The following AZIN2 variants were observed in gnomAD, a reference collection of about 807,000 sequenced individuals.
AZIN2 encodes the protein ODC antizyme inhibitor-2.
Under a neutral mutation model 47.8 loss-of-function variants are expected in AZIN2, and 28 were observed. The observed-to-expected ratio is 0.59, with a 90% CI of 0.43 to 0.80. The LOEUF is 0.80. Among genes scored for constraint, AZIN2 ranks in the 30% least tolerant of loss-of-function variants. The probability of loss-of-function intolerance (pLI) is 0.00; values close to 1 mark genes in which losing one functional copy is unlikely to be tolerated. For missense variants in AZIN2, 535 were observed against 582.5 expected (o/e 0.92, Z 0.84); for synonymous variants, 221 against 239.4 (o/e 0.92, Z 0.71).
intron 11 of AZIN2, chr1:33,118,318 G>C: frequency 3.8e-6 from 2 of 519,894 alleles, no homozygotes; most frequent in Non-Finnish European, 6.5e-6. Context: ...ACAGCCCTGA[G>C]GGAGGCACAG....
At chr1:33,150,087 G>A in the AZIN2 span, among the ~76,000 whole-genome samples, 10 of 152,232 alleles carry the variant, frequency 6.6e-5, no homozygotes, top group Non-Finnish European at 1.3e-4. Flanking sequence ...CTCCCTGAGG[G>A]AGCTGATAAC....
the AZIN2 span, among the ~76,000 whole-genome samples, chr1:33,134,434 C>G: frequency 6.6e-6 from 1 of 152,140 alleles, no homozygotes; most frequent in African/African-American, 2.4e-5. Context: ...TCCAATAATA[C>G]TGCCTCTGTT....
At chr1:33,106,696 G>T (rs1644020789) in intron 10 of AZIN2, among the ~76,000 whole-genome samples, 1 of 152,136 alleles carries the variant, frequency 6.6e-6, no homozygotes, top group Non-Finnish European at 1.5e-5. Context: ...TGGAGAACAA[G>T]CATTTGACAA....
At chr1:33,119,808 G>A in intron 11 of AZIN2, 8 of 583,782 alleles carry the variant, frequency 1.4e-5, no homozygotes, top group Middle Eastern at 4.6e-4. Context: ...TGCCTGGCAT[G>A]ATGTCTGGCA....
At chr1:33,096,949 G>C (rs1311520639) in intron 9 of AZIN2, 80 bp downstream of exon 9, 7 of 1,567,392 alleles carry the variant, frequency 4.5e-6, no homozygotes, top group Non-Finnish European at 6.1e-6. Context: ...TCTGGTTTTA[G>C]ACCCAGTGGC....
At chr1:33,101,709 G>C in intron 10 of AZIN2, 1 of 599,882 alleles carries the variant, frequency 1.7e-6, no homozygotes, top group Non-Finnish European at 3.0e-6. Context: ...TTTCAGTATA[G>C]GTTTATCACA....
chr1:33,147,846 T>A, the AZIN2 span: 11 of 1,123,534 alleles, frequency 9.8e-6, no homozygotes, highest in Non-Finnish European at 1.4e-5. This position sits in a 1 kb window ranked among gnomAD's most constrained non-coding sequence, Gnocchi z 8.1. Flanking sequence ...ACCTGCTGTG[T>A]GACCTTGAAT....
chr1:33,088,141 C>T (rs1418646298), intron 5 of AZIN2, among the ~76,000 whole-genome samples: 4 of 152,194 alleles, frequency 2.6e-5, no homozygotes, highest in Admixed American at 2.6e-4. Context: ...CAATATGCCA[C>T]TGCTTCCCAC....
At chr1:33,098,745 A>G (rs1643409491) in intron 10 of AZIN2, among the ~76,000 whole-genome samples, 1 of 151,890 alleles carries the variant, frequency 6.6e-6, no homozygotes, top group Non-Finnish European at 1.5e-5. Context: ...TCCCCTCTCC[A>G]TTGTGTCTTC....
the AZIN2 span, chr1:33,147,868 C>T: frequency 2.2e-6 from 2 of 889,334 alleles, no homozygotes; most frequent in East Asian, 2.6e-5. This position sits in a 1 kb window ranked among gnomAD's most constrained non-coding sequence, Gnocchi z 8.1. Flanking sequence ...CAAGTCTGCC[C>T]TCTCTGGGCC....
chr1:33,154,463 A>G, the AZIN2 span, among the ~76,000 whole-genome samples: 1 of 151,898 alleles, frequency 6.6e-6, no homozygotes, highest in Admixed American at 6.5e-5. Flanking sequence ...TTGCTCAGCT[A>G]TATGGAACCA....
chr1:33,119,797 G>A, intron 11 of AZIN2: 1 of 573,530 alleles, frequency 1.7e-6, no homozygotes, highest in South Asian at 2.0e-5. Flanking sequence ...GATAATATAA[G>A]TGCCTGGCAT....
rs565573618 is a variant in AZIN2, at chr1:33,101,846, C to T, written c.1029+3667C>T. On this transcript the variant is annotated intron_variant, in intron 10 of 11. Transcript: ENST00000294517. ...CTCATATCACAGTCTAAGAACCACT[C>T]ACCCTGCTACATGTCTCTAGAGTCC... 1.7e-4 allele frequency: 131 copies of T among 779,614 alleles called. 1 individual carries two copies. In the East Asian group the frequency reaches 3.1e-3, roughly 19 times the overall value. 48.3% of individuals were successfully genotyped at this position (779,614 alleles called of 1,614,324 possible). A position where few individuals can be genotyped will look rare whatever the true frequency, so the allele number is the denominator to read the frequency against.
At chr1:33,117,147 C>T (rs1033904679) in intron 10 of AZIN2, among the ~76,000 whole-genome samples, 1 of 152,174 alleles carries the variant, frequency 6.6e-6, no homozygotes, top group Non-Finnish European at 1.5e-5. Flanking sequence ...GTCAGAGCCT[C>T]CATTTTTCTG....
chr1:33,084,503 T>C (rs1641662017), intron 5 of AZIN2, among the ~76,000 whole-genome samples: 1 of 152,228 alleles, frequency 6.6e-6, no homozygotes, highest in African/African-American at 2.4e-5. Context: ...GTGCATTTTC[T>C]TAACTAGTCC....
chr1:33,126,412 C>T (rs1389009980), downstream of AZIN2, among the ~76,000 whole-genome samples: 1 of 152,170 alleles, frequency 6.6e-6, no homozygotes. Flanking sequence ...CCTATTGATT[C>T]CATAAAGACA....
At position 33,118,085 on chromosome 1, in the gene AZIN2, C is replaced by A; in HGVS notation, c.1213C>A (p.His405Asn). The A allele has an allele frequency of 6.6e-7, 1 of 1,519,610 alleles. No individual in the cohort carries two copies. The highest frequency in any genetic ancestry group is 2.3e-5 in the East Asian group (1 of 43,364). The allele number at this position is 1,519,610 out of a possible 1,614,324, so 94.1% of individuals were successfully genotyped here. A position where few individuals can be genotyped will look rare whatever the true frequency, so the allele number is the denominator to read the frequency against. Residue 405 changes from histidine to asparagine, a missense_variant, in exon 11 of 12, where the codon CAC (histidine) becomes AAC (asparagine). Physicochemically the swap from His to Asn is moderately conservative, Grantham distance 68. Transcript: ENST00000294517. ...GSPFWGTQACHITYAMSRVAW... is the reference protein window; with the variant it reads ...GSPFWGTQACNITYAMSRVAW... ...CCCCTTTTGGGGGACCCAGGCCTGC[C>A]ACATCACCTATGCCATGTCCCGGGT...
the AZIN2 span, chr1:33,165,792 T>A: frequency 2.5e-6 from 1 of 399,614 alleles, no homozygotes; most frequent in Non-Finnish European, 4.5e-6. The surrounding 1 kb of genome is among the most constrained non-coding windows in gnomAD (Gnocchi z 4.0). Flanking sequence ...AACCTCCTCC[T>A]CTTTGGCCAC....
rs370123904 is a variant in AZIN2 at position 33,093,369 on chromosome 1, C to A, written c.540C>A (p.His180Gln). 1.2e-6 allele frequency: 2 copies of A among 1,614,060 alleles called. No homozygotes were observed. The highest frequency in any genetic ancestry group is 1.7e-6 in the Non-Finnish European group (2 of 1,179,978). The change falls in exon 7 of 12, where the codon CAC becomes CAA. Residue 180 changes from histidine (H) to glutamine (Q), a missense_variant. By Grantham distance (24) the His-to-Gln change is conservative (BLOSUM62 0). Coordinates refer to ENST00000294517, the MANE Select transcript of AZIN2 (RefSeq NM_052998.4). The stretch of plus-strand genomic sequence containing the variant: ...GAGTGTCACTGAAATCCTGCAGACA[C>A]CTGCTTGAAAATGCGAAGAAGCACC... ...KFGVSLKSCR[H>Q]LLENAKKHHV...
Sources: gnomAD v4.1 joint callset for allele counts (sites outside exome capture counted in the v4.1 genomes callset) on GRCh38, gnomAD v4.1.1 for gene constraint, Gnocchi (gnomAD v3.1) non-coding constraint, MANE v1.5 for transcripts, NCBI Gene and HGNC (gene_info 2026-07-23, HGNC 2026-07-21) for gene names.